Variants in THAP11 observed in about 807,000 individuals in gnomAD.
THAP11 encodes THAP domain-containing protein 11.
In THAP11, 8 loss-of-function variants were observed where a neutral mutation model predicts 24.1. The observed-to-expected ratio is 0.33, with a 90% CI of 0.20 to 0.60. The LOEUF is 0.60. Ranked by LOEUF, THAP11 falls within the 20% of genes least tolerant of loss-of-function variation. THAP11 has a pLI of 0.82. For synonymous variants in THAP11, 222 were observed against 180.2 expected (o/e 1.23, Z -1.86); for missense variants, 276 against 418.4 (o/e 0.66, Z 2.97).
At position 67,843,561 on chromosome 16, in the gene THAP11, T is replaced by C; in HGVS notation, c.*62T>C. On this transcript the variant is annotated 3_prime_UTR_variant, in exon 1 of 1. Transcript: ENST00000303596. The surrounding 1 kb of genome is among the most constrained non-coding windows in gnomAD (Gnocchi z 5.7). ...CATCCAGCCAGGGGACCGCAGGCCATTGTTGAACTCCTCTATACTCCTGGG... is the reference window on the plus strand; with the variant it reads ...CATCCAGCCAGGGGACCGCAGGCCACTGTTGAACTCCTCTATACTCCTGGG... 3 of 1,524,294 alleles carry C rather than the reference T, an allele frequency of 2.0e-6. No individual in the cohort carries two copies. The highest frequency in any genetic ancestry group is 2.7e-6 in the Non-Finnish European group (3 of 1,124,130). The allele number at this position is 1,524,294 out of a possible 1,614,324, so 94.4% of individuals were successfully genotyped here. A position where few individuals can be genotyped will look rare whatever the true frequency, so the allele number is the denominator to read the frequency against.
chr16:67,843,132 AAGTGGAGTTTGCAGCCGCAG>A lies in THAP11; in HGVS notation c.581_600del (p.Val194GlyfsTer39). On this transcript the variant is annotated frameshift_variant, in exon 1 of 1. Transcript: ENST00000303596. LOFTEE classifies it high-confidence loss of function. The surrounding 1 kb of genome is among the most constrained non-coding windows in gnomAD (Gnocchi z 5.7). ...GTGAAGCCCATCGATCTCACAGTGC[AAGTGGAGTTTGCAGCCGCAG>A]AGGGCGCAGCCGCTGCGGCCGCCGC... 6.2e-7 allele frequency: 1 copy of A among 1,610,136 alleles called. No homozygotes were observed. The highest frequency in any genetic ancestry group is 8.5e-7 in the Non-Finnish European group (1 of 1,179,626).
Position 67,842,855 on chromosome 16 carries a change from C to A in THAP11, c.301C>A (p.Arg101Ser). The change falls in exon 1 of 1, where the codon CGC becomes AGC. Residue 101 changes from arginine to serine, a missense_variant. Arg to Ser is a moderately radical substitution (Grantham distance 110). Coordinates refer to ENST00000303596, the MANE Select transcript of THAP11 (RefSeq NM_020457.3). This position sits in a 1 kb window ranked among gnomAD's most constrained non-coding sequence, Gnocchi z 4.9. ...ARRPAGAAAA[R>S]RRQQQQQQQQ... is the part of the protein sequence containing the mutation. ...CAGACCCGCTGGGGCCGCGGCCGCCCGCCGCAGGCAGCAGCAGCAACAGCA... is the reference window on the plus strand; with the variant it reads ...CAGACCCGCTGGGGCCGCGGCCGCCAGCCGCAGGCAGCAGCAGCAACAGCA... 1.2e-6 allele frequency: 2 copies of A among 1,611,072 alleles called. No individual in the cohort carries two copies. Among genetic ancestry groups the A allele is most frequent in the Non-Finnish European group, 1.7e-6 (2 of 1,179,490 alleles).
Position 67,842,905 on chromosome 16 carries a change from G to A in THAP11, c.351G>A (p.Gln117=). The part of the protein sequence containing the change: ...QQQQQQQQQQ[Q]QQQQQQQQQQ... ...AGCAGCAGCAGCAACAGCAGCAACA[G>A]CAGCAGCAGCAGCAACAGCAGCAGC... Residue 117 remains glutamine (Q), a synonymous_variant, in exon 1 of 1, where the codon CAG becomes CAA. Coordinates refer to ENST00000303596, the MANE Select transcript of THAP11 (RefSeq NM_020457.3). The surrounding 1 kb of genome is among the most constrained non-coding windows in gnomAD (Gnocchi z 4.9). 2.6e-6 allele frequency: 4 copies of A among 1,559,904 alleles called. No homozygotes were observed. Among genetic ancestry groups the A allele is most frequent in the Non-Finnish European group, 1.7e-6 (2 of 1,152,348 alleles).
chr16:67,843,840 GA>G lies in THAP11; in HGVS notation c.*345del. ...GGATGTCCAGGGACTATAGGTTTGGGAAAACCATACCTTAAGGTTGGTCAGC... is the reference window on the plus strand; with the variant it reads ...GGATGTCCAGGGACTATAGGTTTGGGAAACCATACCTTAAGGTTGGTCAGC... On this transcript the variant is annotated 3_prime_UTR_variant, in exon 1 of 1. Transcript: ENST00000303596. This position sits in a 1 kb window ranked among gnomAD's most constrained non-coding sequence, Gnocchi z 5.7. The G allele has an allele frequency of 3.8e-6, 1 of 260,410 alleles. No individual in the cohort carries two copies. Among genetic ancestry groups the G allele is most frequent in the South Asian group, 7.7e-5 (1 of 13,026 alleles). The allele number at this position is 260,410 out of a possible 1,614,324, so 16.1% of individuals were successfully genotyped here. A position where few individuals can be genotyped will look rare whatever the true frequency, so the allele number is the denominator to read the frequency against.
Position 67,843,455 on chromosome 16 carries a change from C to A in THAP11, c.901C>A (p.Arg301=). 1 of 1,613,550 alleles carries A rather than the reference C, an allele frequency of 6.2e-7. No homozygotes were observed. The highest frequency in any genetic ancestry group is 1.3e-5 in the African/African-American group (1 of 75,068). ...GCGCGAAGAACTGCGTGAGAAGGAT[C>A]GGCTGCTTGCCATGGCTGTCATCCG... ...KLREELREKD[R]LLAMAVIRKK... The change falls in exon 1 of 1, where the codon CGG becomes AGG. Residue 301 remains arginine, a synonymous_variant. Transcript: ENST00000303596. This position sits in a 1 kb window ranked among gnomAD's most constrained non-coding sequence, Gnocchi z 5.7.
chr16:67,843,085 C>T lies in THAP11; in HGVS notation c.531C>T (p.Pro177=). The T allele has an allele frequency of 6.2e-7, 1 of 1,611,338 alleles. No individual in the cohort carries two copies. Among genetic ancestry groups the T allele is most frequent in the East Asian group, 2.2e-5 (1 of 44,888 alleles). The part of the protein sequence containing the change: ...SQAPGSVQPA[P]ITPTGEDVKP... The stretch of plus-strand genomic sequence containing the variant: ...CTCCGGGATCCGTACAGCCGGCGCC[C>T]ATCACTCCCACTGGAGAAGACGTGA... Residue 177 remains proline (P), a synonymous_variant, in exon 1 of 1, where the codon CCC becomes CCT. Transcript: ENST00000303596. This position sits in a 1 kb window ranked among gnomAD's most constrained non-coding sequence, Gnocchi z 5.7.
rs377516180 is a variant in THAP11 at position 67,842,920 on chromosome 16, A to ACAGCAGCAGCAGCAGCAG, written c.379_396dup (p.Gln127_Gln132dup). ...AGCAGCAACAGCAGCAGCAGCAGCA[A>ACAGCAGCAGCAGCAGCAG]CAGCAGCAGCAGCAGCAGCAGCAGC... On this transcript the variant is annotated inframe_insertion, in exon 1 of 1. Transcript: ENST00000303596. This position sits in a 1 kb window ranked among gnomAD's most constrained non-coding sequence, Gnocchi z 4.9. 41 of 1,579,804 alleles carry ACAGCAGCAGCAGCAGCAG rather than the reference A, an allele frequency of 2.6e-5. No individual in the cohort carries two copies. The East Asian group carries it at 4.6e-4, about 18-fold the overall frequency.
rs2057767645 is a variant in THAP11, at chr16:67,842,372, C to A, written c.-183C>A. The stretch of plus-strand genomic sequence containing the variant: ...AGCCAGGCGGGCGGCGCGGCGCGGG[C>A]CGGCAGGAAGCGTATTCTGGGCACG... On this transcript the variant is annotated 5_prime_UTR_variant, in exon 1 of 1. Coordinates refer to ENST00000303596, the MANE Select transcript of THAP11 (RefSeq NM_020457.3). The surrounding 1 kb of genome is among the most constrained non-coding windows in gnomAD (Gnocchi z 4.9). The A allele has an allele frequency of 3.7e-6, 1 of 267,188 alleles. No homozygotes were observed. The highest frequency in any genetic ancestry group is 6.3e-6 in the Non-Finnish European group (1 of 158,518). 16.6% of individuals were successfully genotyped at this position (267,188 alleles called of 1,614,324 possible). A position where few individuals can be genotyped will look rare whatever the true frequency, so the allele number is the denominator to read the frequency against.
Position 67,842,847 on chromosome 16 carries a change from C to G in THAP11, c.293C>G (p.Ala98Gly), listed in dbSNP as rs1295892341. ...GTAGCGCGCAGACCCGCTGGGGCCG[C>G]GGCCGCCCGCCGCAGGCAGCAGCAG... ...RKVARRPAGA[A>G]AARRRQQQQQ... Residue 98 changes from alanine (A) to glycine (G), a missense_variant, in exon 1 of 1, where the codon GCG (alanine) becomes GGG (glycine). Coordinates refer to ENST00000303596, the MANE Select transcript of THAP11 (RefSeq NM_020457.3). This position sits in a 1 kb window ranked among gnomAD's most constrained non-coding sequence, Gnocchi z 4.9. 6.2e-7 allele frequency: 1 copy of G among 1,607,098 alleles called. No individual in the cohort carries two copies. The highest frequency in any genetic ancestry group is 8.5e-7 in the Non-Finnish European group (1 of 1,178,758).
In THAP11 at chr16:67,843,031, C is replaced by A. The variant is rs781483366; in HGVS notation, c.477C>A (p.Thr159=). 1.2e-6 allele frequency: 2 copies of A among 1,612,470 alleles called. No individual in the cohort carries two copies. Among genetic ancestry groups the A allele is most frequent in the African/African-American group, 2.7e-5 (2 of 74,950 alleles). ...CTGCTTCCGCGGCCGTGCTTCTCAC[C>A]CTTCAGGCCACTGTAGACAGCAGTC... The part of the protein sequence containing the change: ...LVSASAAVLL[T]LQATVDSSQA... Residue 159 remains threonine (T), a synonymous_variant, in exon 1 of 1, where the codon ACC becomes ACA. Coordinates refer to ENST00000303596, the MANE Select transcript of THAP11 (RefSeq NM_020457.3). This position sits in a 1 kb window ranked among gnomAD's most constrained non-coding sequence, Gnocchi z 5.7.
In THAP11 at chr16:67,842,872, GCAA is replaced by G. The variant is rs769626307; in HGVS notation, c.321_323del (p.Gln132del). 2.0e-5 allele frequency: 32 copies of G among 1,604,540 alleles called. No individual in the cohort carries two copies. The highest frequency in any genetic ancestry group is 3.4e-4 in the Middle Eastern group (2 of 5,908). On this transcript the variant is annotated inframe_deletion, in exon 1 of 1. Coordinates refer to ENST00000303596, the MANE Select transcript of THAP11 (RefSeq NM_020457.3). This position sits in a 1 kb window ranked among gnomAD's most constrained non-coding sequence, Gnocchi z 4.9. ...CGGCCGCCCGCCGCAGGCAGCAGCAGCAACAGCAGCAGCAGCAGCAACAGCAGC... is the reference window on the plus strand; with the variant it reads ...CGGCCGCCCGCCGCAGGCAGCAGCAGCAGCAGCAGCAGCAGCAACAGCAGC...
Position 67,843,154 on chromosome 16 carries a change from G to C in THAP11, c.600G>C (p.Glu200Asp), listed in dbSNP as rs1260483865. The change falls in exon 1 of 1, where the codon GAG becomes GAC. Residue 200 changes from glutamate to aspartate, a missense_variant. Physicochemically the swap from Glu to Asp is conservative, Grantham distance 45. This residue lies in a region of THAP11 where 210 missense variants were observed against 203.4 expected (regional missense o/e 1.03). Transcript: ENST00000303596. The surrounding 1 kb of genome is among the most constrained non-coding windows in gnomAD (Gnocchi z 5.7). ...LTVQVEFAAA[E>D]GAAAAAAASE... Reference sequence around the variant, plus strand: ...TGCAAGTGGAGTTTGCAGCCGCAGAGGGCGCAGCCGCTGCGGCCGCCGCGT... The same window carrying C: ...TGCAAGTGGAGTTTGCAGCCGCAGACGGCGCAGCCGCTGCGGCCGCCGCGT... 5.6e-6 allele frequency: 9 copies of C among 1,609,582 alleles called. No homozygotes were observed. The highest frequency in any genetic ancestry group is 7.6e-6 in the Non-Finnish European group (9 of 1,179,424).
chr16:67,843,232 C>T lies in THAP11; in HGVS notation c.678C>T (p.Gly226=), dbSNP rs755640719. Residue 226 remains glycine (G), a synonymous_variant, in exon 1 of 1, where the codon GGC becomes GGT. Coordinates refer to ENST00000303596, the MANE Select transcript of THAP11 (RefSeq NM_020457.3). This position sits in a 1 kb window ranked among gnomAD's most constrained non-coding sequence, Gnocchi z 5.7. ...TGGAGGCTGCCGAGTGCCCTATGGG[C>T]CCCCAGTTGGTGGTGGTAGGGGAAG... The part of the protein sequence containing the change: ...AGLEAAECPM[G]PQLVVVGEEG... 1.9e-6 allele frequency: 3 copies of T among 1,611,696 alleles called. No individual in the cohort carries two copies. Among genetic ancestry groups the T allele is most frequent in the Non-Finnish European group, 2.5e-6 (3 of 1,179,204 alleles).
In THAP11 at chr16:67,843,718, T is replaced by C. The variant is rs2057780345; in HGVS notation, c.*219T>C. On this transcript the variant is annotated 3_prime_UTR_variant, in exon 1 of 1. Coordinates refer to ENST00000303596, the MANE Select transcript of THAP11 (RefSeq NM_020457.3). This position sits in a 1 kb window ranked among gnomAD's most constrained non-coding sequence, Gnocchi z 5.7. ...CCTGGTGACACCAGCAATTATGACT[T>C]TGTCTACCCTTCCTCCCCAGTTATT... The C allele has an allele frequency of 1.9e-6, 1 of 513,762 alleles. No homozygotes were observed. Among genetic ancestry groups the C allele is most frequent in the East Asian group, 3.3e-5 (1 of 30,680 alleles). 31.8% of individuals were successfully genotyped at this position (513,762 alleles called of 1,614,324 possible).
chr16:67,842,408 CG>C lies in THAP11; in HGVS notation c.-144del, dbSNP rs1164436883. 2.2e-6 allele frequency: 1 copy of C among 448,922 alleles called. No homozygotes were observed. Among genetic ancestry groups the C allele is most frequent in the Non-Finnish European group, 3.3e-6 (1 of 304,390 alleles). 27.8% of individuals were successfully genotyped at this position (448,922 alleles called of 1,614,324 possible). On this transcript the variant is annotated 5_prime_UTR_variant, in exon 1 of 1. Transcript: ENST00000303596. The surrounding 1 kb of genome is among the most constrained non-coding windows in gnomAD (Gnocchi z 4.9). ...CGTATTCTGGGCACGGGGCGCCGGG[CG>C]GGCCGGCTGCGCCGAGCGGCAGTGG...
Position 67,843,164 on chromosome 16 carries a change from G to C in THAP11, c.610G>C (p.Ala204Pro). Residue 204 changes from alanine to proline, a missense_variant, in exon 1 of 1, where the codon GCT becomes CCT. Physicochemically the swap from Ala to Pro is conservative, Grantham distance 27. Transcript: ENST00000303596. This position sits in a 1 kb window ranked among gnomAD's most constrained non-coding sequence, Gnocchi z 5.7. ...VEFAAAEGAA[A>P]AAAASELQAA... ...GTTTGCAGCCGCAGAGGGCGCAGCC[G>C]CTGCGGCCGCCGCGTCGGAGTTACA... 6.2e-7 allele frequency: 1 copy of C among 1,609,452 alleles called. No homozygotes were observed. Among genetic ancestry groups the C allele is most frequent in the Non-Finnish European group, 8.5e-7 (1 of 1,179,418 alleles).
chr16:67,842,920 A>AGCAG lies in THAP11; in HGVS notation c.366_367insGCAG (p.Gln123AlafsTer118), dbSNP rs2057774085. The AGCAG allele has an allele frequency of 3.2e-6, 5 of 1,579,818 alleles. No homozygotes were observed. The African/African-American group carries it at 5.6e-5, about 18-fold the overall frequency. ...AGCAGCAACAGCAGCAGCAGCAGCA[A>AGCAG]CAGCAGCAGCAGCAGCAGCAGCAGC... On this transcript the variant is annotated frameshift_variant, in exon 1 of 1. Coordinates refer to ENST00000303596, the MANE Select transcript of THAP11 (RefSeq NM_020457.3). LOFTEE classifies it high-confidence loss of function. This position sits in a 1 kb window ranked among gnomAD's most constrained non-coding sequence, Gnocchi z 4.9.
At position 67,843,154 on chromosome 16, in the gene THAP11, G is replaced by A. The variant is rs1260483865; in HGVS notation, c.600G>A (p.Glu200=). ...TGCAAGTGGAGTTTGCAGCCGCAGA[G>A]GGCGCAGCCGCTGCGGCCGCCGCGT... is the stretch of plus-strand genomic sequence containing the variant. ...LTVQVEFAAA[E]GAAAAAAASE... Residue 200 remains glutamate (E), a synonymous_variant, in exon 1 of 1, where the codon GAG becomes GAA. Transcript: ENST00000303596. The surrounding 1 kb of genome is among the most constrained non-coding windows in gnomAD (Gnocchi z 5.7). 2 of 1,609,582 alleles carry A rather than the reference G, an allele frequency of 1.2e-6. No homozygotes were observed. The highest frequency in any genetic ancestry group is 8.5e-7 in the Non-Finnish European group (1 of 1,179,424).
At position 67,843,116 on chromosome 16, in the gene THAP11, A is replaced by T. The variant is rs765187965; in HGVS notation, c.562A>T (p.Ile188Phe). ...TCCCACTGGAGAAGACGTGAAGCCC[A>T]TCGATCTCACAGTGCAAGTGGAGTT... The part of the protein sequence containing the change: ...ITPTGEDVKP[I>F]DLTVQVEFAA... The change falls in exon 1 of 1, where the codon ATC (isoleucine) becomes TTC (phenylalanine). Residue 188 changes from isoleucine to phenylalanine, a missense_variant. Transcript: ENST00000303596. The surrounding 1 kb of genome is among the most constrained non-coding windows in gnomAD (Gnocchi z 5.7). 1 of 1,610,628 alleles carries T rather than the reference A, an allele frequency of 6.2e-7. No homozygotes were observed. Among genetic ancestry groups the T allele is most frequent in the Admixed American group, 1.7e-5 (1 of 60,018 alleles).
Sources: gnomAD v4.1 joint callset for allele counts on GRCh38, gnomAD v4.1.1 for gene constraint, gnomAD v4.1.1 regional missense constraint, Gnocchi (gnomAD v3.1) non-coding constraint, MANE v1.5 for transcripts, NCBI Gene and HGNC (gene_info 2026-07-23, HGNC 2026-07-21) for gene names.